The following GNAS-AS1 variants were observed in gnomAD, a reference collection of about 807,000 sequenced individuals.
GNAS-AS1 encodes the protein GNAS antisense RNA 1 (non-protein coding).
chr20:58,842,081 C>A, exon 4 of GNAS-AS1: 1 of 412,160 alleles, frequency 2.4e-6, no homozygotes, highest in Non-Finnish European at 4.2e-6. Context: ...GCGGCGTGCT[C>A]CGGCCATTTT....
At chr20:58,830,437 T>TCACCAC (rs1568900292) in intron 4 of GNAS-AS1, among the ~76,000 whole-genome samples, 18 of 53,372 alleles carry the variant, frequency 3.4e-4, no homozygotes, top group South Asian at 7.5e-4. Flanking sequence ...CACACCACCA[T>TCACCAC]CATTACCACC....
At chr20:58,845,462 C>T (rs538676410) in intron 2 of GNAS-AS1, among the ~76,000 whole-genome samples, 3 of 152,304 alleles carry the variant, frequency 2.0e-5, no homozygotes, top group African/African-American at 7.2e-5. Context: ...ACAGCTAAGA[C>T]TTGTTTGCGC....
chr20:58,824,867 C>T (rs911554065), intron 4 of GNAS-AS1, among the ~76,000 whole-genome samples: 2 of 152,180 alleles, frequency 1.3e-5, no homozygotes, highest in Non-Finnish European at 2.9e-5. Flanking sequence ...AGAACAGACC[C>T]AGCTCCCCTC....
chr20:58,846,970 T>C lies in GNAS-AS1; in HGVS notation n.413+1909A>G, dbSNP rs536282993. 1.4e-4 allele frequency among the ~76,000 whole-genome samples: 22 copies of C among 152,298 alleles called. No homozygotes were observed. The South Asian group carries it at 4.6e-3, about 32-fold the overall frequency. ...CTCTCTCTTAGTTGCTTTCCCATGG[T>C]GCTGTTCATCTTTTCTGGAATGGCC... On this transcript the variant is annotated intron_variant and non_coding_transcript_variant, in intron 2 of 4. Coordinates refer to ENST00000424094, the Ensembl canonical transcript of GNAS-AS1.
chr20:58,839,939 A>G (rs2085655809), intron 4 of GNAS-AS1: 1 of 666,236 alleles, frequency 1.5e-6, no homozygotes. Context: ...GTGGTCAGGA[A>G]GGTAGGTGCT....
chr20:58,821,433 T>G (rs2085486375), intron 4 of GNAS-AS1, among the ~76,000 whole-genome samples: 1 of 152,238 alleles, frequency 6.6e-6, no homozygotes, highest in South Asian at 2.1e-4. Context: ...AAATCCGGAC[T>G]CCACGATTTT....
intron 1 of GNAS-AS1, among the ~76,000 whole-genome samples, chr20:58,849,272 A>G (rs1006953049): frequency 6.6e-6 from 1 of 152,170 alleles, no homozygotes; most frequent in Non-Finnish European, 1.5e-5. Context: ...CCAAGTCTAG[A>G]TGAGATGTGC....
intron 4 of GNAS-AS1, among the ~76,000 whole-genome samples, chr20:58,830,272 C>CCA (rs2085548073): frequency 6.8e-6 from 1 of 148,022 alleles, no homozygotes; most frequent in Non-Finnish European, 1.5e-5. Flanking sequence ...ACCATCACCA[C>CCA]CACCGCCACA....
At position 58,840,497 on chromosome 20, in the gene GNAS-AS1, A is replaced by G; in HGVS notation, n.819+1440T>C. 6.2e-7 allele frequency: 1 copy of G among 1,612,894 alleles called. No individual in the cohort carries two copies. Among genetic ancestry groups the G allele is most frequent in the Non-Finnish European group, 8.5e-7 (1 of 1,179,694 alleles). ...GACCGACTTCGAGACCGAGCCTGAG[A>G]CCGCCCCCACCACTGAGCCCGAGAC... On this transcript the variant is annotated intron_variant and non_coding_transcript_variant, in intron 4 of 4. Transcript: ENST00000424094. This position sits in a 1 kb window ranked among gnomAD's most constrained non-coding sequence, Gnocchi z 6.0.
At chr20:58,834,966 C>T (rs552971558) in intron 4 of GNAS-AS1, among the ~76,000 whole-genome samples, 1 of 152,290 alleles carries the variant, frequency 6.6e-6, no homozygotes, top group African/African-American at 2.4e-5. Flanking sequence ...ATCAGGAGCT[C>T]GAGGTTTTCA....
At chr20:58,848,765 T>G in intron 2 of GNAS-AS1, 1 of 396,592 alleles carries the variant, frequency 2.5e-6, no homozygotes, top group Non-Finnish European at 4.4e-6. Flanking sequence ...ACCGGATTCC[T>G]CAGGTCCCTG....
chr20:58,840,234 G>T lies in GNAS-AS1; in HGVS notation n.819+1703C>A, dbSNP rs754780507. 1.2e-6 allele frequency: 2 copies of T among 1,610,940 alleles called. No homozygotes were observed. Among genetic ancestry groups the T allele is most frequent in the Non-Finnish European group, 8.5e-7 (1 of 1,179,804 alleles). On this transcript the variant is annotated intron_variant and non_coding_transcript_variant, in intron 4 of 4. Transcript: ENST00000424094. The surrounding 1 kb of genome is among the most constrained non-coding windows in gnomAD (Gnocchi z 6.0). Reference sequence around the variant, plus strand: ...CTCTCCTGCTCCATCGCGCTCCTCCGCGCCCTTGCCACCTCCAACGCCCGT... The same window carrying T: ...CTCTCCTGCTCCATCGCGCTCCTCCTCGCCCTTGCCACCTCCAACGCCCGT...
At chr20:58,842,076 G>A in exon 4 of GNAS-AS1, 1 of 415,062 alleles carries the variant, frequency 2.4e-6, no homozygotes, top group Non-Finnish European at 4.1e-6. Context: ...GCGAGGCGGC[G>A]TGCTCCGGCC....
rs2085504566 is a variant in GNAS-AS1 at position 58,824,116 on chromosome 20, C to T, written n.820-4861G>A. On this transcript the variant is annotated intron_variant and non_coding_transcript_variant, in intron 4 of 4. Transcript: ENST00000424094. The stretch of plus-strand genomic sequence containing the variant: ...GAACGAACTGTTAGGTGGATCAGAG[C>T]CACAAATCCAGAAGAGAAGAACCCA... 3 of 398,502 alleles carry T rather than the reference C, an allele frequency of 7.5e-6. No individual in the cohort carries two copies. The South Asian group carries it at 3.8e-4, about 51-fold the overall frequency. The allele number at this position is 398,502 out of a possible 1,614,324, so 24.7% of individuals were successfully genotyped here. A position where few individuals can be genotyped will look rare whatever the true frequency, so the allele number is the denominator to read the frequency against.
chr20:58,848,292 C>G (rs1246435344), intron 2 of GNAS-AS1, among the ~76,000 whole-genome samples: 1 of 152,194 alleles, frequency 6.6e-6, no homozygotes, highest in East Asian at 1.9e-4. Context: ...TCACTGCAGC[C>G]CTACACTCCA....
chr20:58,840,985 G>C lies in GNAS-AS1; in HGVS notation n.819+952C>G. The C allele has an allele frequency of 1.6e-6, 2 of 1,290,114 alleles. No homozygotes were observed. Among genetic ancestry groups the C allele is most frequent in the Non-Finnish European group, 1.1e-6 (1 of 914,390 alleles). 79.9% of individuals were successfully genotyped at this position (1,290,114 alleles called of 1,614,324 possible). On this transcript the variant is annotated intron_variant and non_coding_transcript_variant, in intron 4 of 4. Coordinates refer to ENST00000424094, the Ensembl canonical transcript of GNAS-AS1. This position sits in a 1 kb window ranked among gnomAD's most constrained non-coding sequence, Gnocchi z 6.0. ...GGAAAGGCAGGTCAGGGGCGAGTGG[G>C]AAGAGAGGAGGCTCAGCTGGTCAGC...
chr20:58,840,929 G>C lies in GNAS-AS1; in HGVS notation n.819+1008C>G, dbSNP rs539043629. On this transcript the variant is annotated intron_variant and non_coding_transcript_variant, in intron 4 of 4. Coordinates refer to ENST00000424094, the Ensembl canonical transcript of GNAS-AS1. This position sits in a 1 kb window ranked among gnomAD's most constrained non-coding sequence, Gnocchi z 6.0. ...AAACTGGGGAGCCTGAGGGCGGTGT[G>C]GGAGCAGCGCAGGTGGAAAGGAGGT... 1.2e-6 allele frequency: 2 copies of C among 1,603,516 alleles called. No homozygotes were observed. The highest frequency in any genetic ancestry group is 1.7e-6 in the Non-Finnish European group (2 of 1,174,186).
Position 58,840,162 on chromosome 20 carries a change from A to G in GNAS-AS1, n.819+1775T>C. ...CGCCGAGCTCGCCATAATTACAACG[A>G]CCTGTGCCCGCCCATAGGCCGCCGG... On this transcript the variant is annotated intron_variant and non_coding_transcript_variant, in intron 4 of 4. Coordinates refer to ENST00000424094, the Ensembl canonical transcript of GNAS-AS1. The surrounding 1 kb of genome is among the most constrained non-coding windows in gnomAD (Gnocchi z 6.0). The G allele has an allele frequency of 6.2e-7, 1 of 1,610,830 alleles. No individual in the cohort carries two copies. The highest frequency in any genetic ancestry group is 1.1e-5 in the South Asian group (1 of 91,002).
chr20:58,841,572 G>C lies in GNAS-AS1; in HGVS notation n.819+365C>G, dbSNP rs536053674. On this transcript the variant is annotated intron_variant and non_coding_transcript_variant, in intron 4 of 4. Transcript: ENST00000424094. The surrounding 1 kb of genome is among the most constrained non-coding windows in gnomAD (Gnocchi z 5.0). ...TGGCCGCCACAGCCCGCCTCCCGTC[G>C]CTCGCGGGACAGAGACCGCCTCAAA... 5.0e-6 allele frequency: 5 copies of C among 1,003,424 alleles called. No homozygotes were observed. The highest frequency in any genetic ancestry group is 1.7e-5 in the African/African-American group (1 of 57,990). The allele number at this position is 1,003,424 out of a possible 1,614,324, so 62.2% of individuals were successfully genotyped here.
Sources: allele counts gnomAD v4.1 joint callset (sites outside exome capture counted in the v4.1 genomes callset), GRCh38; gene constraint gnomAD v4.1.1; non-coding constraint Gnocchi (gnomAD v3.1); transcripts MANE v1.5; gene names NCBI Gene and HGNC (gene_info 2026-07-23, HGNC 2026-07-21).